Variants in SEMA3A observed in about 807,000 individuals in gnomAD.
SEMA3A encodes semaphorin-3A.
SEMA3A carries 29 observed loss-of-function variants against 97.9 expected under a neutral mutation model. That is an observed-to-expected ratio of 0.30 (90% CI 0.22 to 0.40). The LOEUF (loss-of-function observed/expected upper bound fraction) is 0.40, where lower values mean the gene tolerates loss of function less well. SEMA3A is among the 10% of genes least tolerant of loss of function. SEMA3A has a pLI of 1.00. For missense variants in SEMA3A, 763 were observed against 951.3 expected, an observed-to-expected ratio of 0.80 and a Z score of 2.60; for synonymous variants, 321 against 323.7, an observed-to-expected ratio of 0.99 and a Z score of 0.09.
chr7:84,164,630 T>C lies in SEMA3A; in HGVS notation c.113-29679A>G, dbSNP rs2372036. ...TCCTAGCAATACCCTAGGAGGTAGA[T>C]ATTATTATTATTTCCAGTTTACAGT... On this transcript the variant is annotated intron_variant, in intron 1 of 16. Coordinates refer to ENST00000265362, the MANE Select transcript of SEMA3A (RefSeq NM_006080.3). 5.8e-4 allele frequency among the ~76,000 whole-genome samples: 88 copies of C among 152,154 alleles called. 1 individual carries two copies. Among genetic ancestry groups the C allele is most frequent in the African/African-American group, 2.1e-3 (86 of 41,428 alleles).
chr7:84,120,705 T>G (rs1795584088), intron 3 of SEMA3A, among the ~76,000 whole-genome samples: 1 of 152,202 alleles, frequency 6.6e-6, no homozygotes, highest in South Asian at 2.1e-4. Flanking sequence ...TTCTTTCATT[T>G]GTAAGATTAT....
chr7:83,994,896 C>T (rs558678059), intron 12 of SEMA3A, among the ~76,000 whole-genome samples: 88 of 152,220 alleles, frequency 5.8e-4, no homozygotes, highest in African/African-American at 1.9e-3. Flanking sequence ...TGGGCAATGG[C>T]GGGCACCCCT....
intron 1 of SEMA3A, among the ~76,000 whole-genome samples, chr7:84,403,933 A>G (rs901244270): frequency 1.5e-4 from 23 of 152,164 alleles, no homozygotes; most frequent in South Asian, 4.1e-4. Flanking sequence ...ATAAAACCAC[A>G]AAGATGGGGA....
At chr7:84,119,581 A>G (rs1795540433) in intron 3 of SEMA3A, among the ~76,000 whole-genome samples, 1 of 152,182 alleles carries the variant, frequency 6.6e-6, no homozygotes, top group Non-Finnish European at 1.5e-5. Flanking sequence ...AAAATAGTCA[A>G]AAGTTGGTGA....
At chr7:84,492,388 A>C (rs1239917306) in intron 1 of SEMA3A, 1 of 152,156 alleles carries the variant, frequency 6.6e-6, no homozygotes, top group Non-Finnish European at 1.5e-5. Flanking sequence ...CAGTCTTTAG[A>C]GGATTCCCTG....
chr7:84,304,592 A>C (rs1434895246), intron 3 of SEMA3A, among the ~76,000 whole-genome samples: 1 of 152,094 alleles, frequency 6.6e-6, no homozygotes, highest in Non-Finnish European at 1.5e-5. Context: ...TAAGTTAAGC[A>C]AATAAAATTA....
chr7:84,098,471 T>C (rs1049922888), intron 4 of SEMA3A, among the ~76,000 whole-genome samples: 5 of 152,056 alleles, frequency 3.3e-5, no homozygotes, highest in African/African-American at 1.2e-4. Flanking sequence ...AGAGAATTAG[T>C]AGTAACAGAA....
intron 3 of SEMA3A, among the ~76,000 whole-genome samples, chr7:84,121,498 G>T (rs1795614684): frequency 6.6e-6 from 1 of 151,494 alleles, no homozygotes; most frequent in African/African-American, 2.4e-5. Flanking sequence ...TGCTCAGAAT[G>T]ATGGTTTCCA....
chr7:84,062,231 A>G (rs1012737888), intron 4 of SEMA3A, among the ~76,000 whole-genome samples: 3 of 152,230 alleles, frequency 2.0e-5, no homozygotes, highest in African/African-American at 7.2e-5. Flanking sequence ...TGTCAAAGAA[A>G]TATTACATTG....
chr7:84,160,857 G>A (rs1168969597), intron 1 of SEMA3A, among the ~76,000 whole-genome samples: 2 of 152,018 alleles, frequency 1.3e-5, no homozygotes, highest in East Asian at 1.9e-4. Context: ...TCCAGCCTGG[G>A]CAACAAGAGT....
chr7:84,060,387 T>C (rs898529566), intron 5 of SEMA3A, 78 bp downstream of exon 5: 45 of 850,008 alleles, frequency 5.3e-5, no homozygotes, highest in Admixed American at 1.1e-4. Flanking sequence ...ATGGAAAATC[T>C]TGGTAGATAA....
intron 1 of SEMA3A, among the ~76,000 whole-genome samples, chr7:84,411,072 T>C (rs998831712): frequency 1.3e-5 from 2 of 152,092 alleles, no homozygotes; most frequent in Non-Finnish European, 2.9e-5. Context: ...TGTGTTTGTG[T>C]ATCTGTGTGT....
intron 1 of SEMA3A, among the ~76,000 whole-genome samples, chr7:84,392,990 G>A (rs1168742473): frequency 1.3e-5 from 2 of 152,038 alleles, no homozygotes; most frequent in Non-Finnish European, 2.9e-5. Context: ...CCAATCCTTA[G>A]GTTGTCTCTT....
At chr7:84,124,240 C>T (rs2115998982) in intron 3 of SEMA3A, among the ~76,000 whole-genome samples, 1 of 152,284 alleles carries the variant, frequency 6.6e-6, no homozygotes, top group South Asian at 2.1e-4. Context: ...TCTGATGCTG[C>T]AGAGATAGCA....
intron 1 of SEMA3A, among the ~76,000 whole-genome samples, chr7:84,466,460 G>A (rs372897830): frequency 1.3e-5 from 2 of 151,864 alleles, no homozygotes; most frequent in Non-Finnish European, 2.9e-5. Flanking sequence ...GGTGTGAGCC[G>A]CCGCACCCAG....
At chr7:84,015,587 C>T (rs1372788902) in intron 6 of SEMA3A, among the ~76,000 whole-genome samples, 3 of 152,136 alleles carry the variant, frequency 2.0e-5, no homozygotes, top group Non-Finnish European at 4.4e-5. Context: ...TACCTTTATC[C>T]CTTAGTGTAT....
intron 4 of SEMA3A, among the ~76,000 whole-genome samples, chr7:84,062,430 A>G (rs1793260881): frequency 6.6e-6 from 1 of 152,234 alleles, no homozygotes; most frequent in Non-Finnish European, 1.5e-5. Context: ...AGATGGCCGA[A>G]TAGGAACAGC....
intron 4 of SEMA3A, among the ~76,000 whole-genome samples, chr7:84,081,077 A>G (rs1459778585): frequency 6.6e-6 from 1 of 152,092 alleles, no homozygotes; most frequent in Non-Finnish European, 1.5e-5. Context: ...TAAGTTGAAG[A>G]AAGAATGCAC....
chr7:84,372,711 T>C (rs1803002882), intron 1 of SEMA3A, among the ~76,000 whole-genome samples: 1 of 152,152 alleles, frequency 6.6e-6, no homozygotes. Context: ...AAAAACTTCA[T>C]AGTACCCCGT....
Sources: gnomAD v4.1 joint callset for allele counts (sites outside exome capture counted in the v4.1 genomes callset) on GRCh38, gnomAD v4.1.1 for gene constraint, MANE v1.5 for transcripts, NCBI Gene and HGNC (gene_info 2026-07-23, HGNC 2026-07-21) for gene names.